The following USP38 variants were observed in gnomAD, a reference collection of about 807,000 sequenced individuals.
USP38 encodes the protein ubiquitin specific peptidase 38, also known as ubiquitin carboxyl-terminal hydrolase 38.
In USP38, 49 loss-of-function variants were observed where a neutral mutation model predicts 94.3. The observed-to-expected ratio is 0.52, with a 90% confidence interval of 0.41 to 0.66. The LOEUF (loss-of-function observed/expected upper bound fraction) is 0.66, where lower values mean the gene tolerates loss of function less well. USP38 is among the 30% of genes least tolerant of loss of function. USP38 has a pLI of 0.00. For missense variants in USP38, 1,128 were observed against 1,229.4 expected, an observed-to-expected ratio of 0.92 and a Z score of 1.23; for synonymous variants, 468 against 463.6, an observed-to-expected ratio of 1.01 and a Z score of -0.12.
chr4:143,199,988 C>T (rs1208490253), intron 4 of USP38, among the ~76,000 whole-genome samples: 3 of 152,068 alleles, frequency 2.0e-5, no homozygotes, highest in East Asian at 1.9e-4. Flanking sequence ...AATTAGATCC[C>T]GTTTGTCAAT....
Position 143,214,693 on chromosome 4 carries a change from A to C in USP38, c.2717A>C (p.Asn906Thr). 6.2e-7 allele frequency: 1 copy of C among 1,613,782 alleles called. No homozygotes were observed. The highest frequency in any genetic ancestry group is 8.5e-7 in the Non-Finnish European group (1 of 1,179,812). ...PSAVFEQDLE[N>T]KEMSKEWFLF... ...GCAGTTTTTGAACAGGATTTGGAAA[A>C]TAAGGAAATGTCAAAAGAATGGTTT... The change falls in exon 9 of 10, where the codon AAT becomes ACT. Residue 906 changes from asparagine (N) to threonine (T), a missense_variant. By Grantham distance (65) the Asn-to-Thr change is moderately conservative. Transcript: ENST00000307017.
Position 143,223,844 on chromosome 4 carries a change from T to TA in USP38, c.*3389dup, listed in dbSNP as rs1732382339. On this transcript the variant is annotated 3_prime_UTR_variant, in exon 10 of 10. Coordinates refer to ENST00000307017, the MANE Select transcript of USP38 (RefSeq NM_032557.6). Reference sequence around the variant, plus strand: ...TGATAGTTTATATATCCTTTCATCATACGTTTTTTCTAATGAGTTTAGATT... The same window carrying TA: ...TGATAGTTTATATATCCTTTCATCATAACGTTTTTTCTAATGAGTTTAGATT... The TA allele has an allele frequency of 1.3e-5, 2 of 152,152 alleles. No homozygotes were observed. Among genetic ancestry groups the TA allele is most frequent in the Admixed American group, 6.6e-5 (1 of 15,256 alleles). The allele number at this position is 152,152 out of a possible 1,614,324, so 9.4% of individuals were successfully genotyped here.
At chr4:143,197,393 T>G (rs1252540986) in intron 3 of USP38, among the ~76,000 whole-genome samples, 1 of 152,202 alleles carries the variant, frequency 6.6e-6, no homozygotes, top group African/African-American at 2.4e-5. Context: ...GTGTTACTTT[T>G]TATTGTTTCT....
At chr4:143,199,123 C>T (rs934775987) in intron 4 of USP38, among the ~76,000 whole-genome samples, 2 of 152,086 alleles carry the variant, frequency 1.3e-5, no homozygotes, top group African/African-American at 2.4e-5. Flanking sequence ...TTTTCTGCTC[C>T]TCTACCTCCT....
chr4:143,194,708 C>A (rs199847817), intron 2 of USP38, among the ~76,000 whole-genome samples: 1 of 151,986 alleles, frequency 6.6e-6, no homozygotes, highest in Non-Finnish European at 1.5e-5. Flanking sequence ...GGGTTTCACC[C>A]TGTTGGCCAG....
intron 6 of USP38, among the ~76,000 whole-genome samples, chr4:143,207,648 G>GGTTT (rs548595116): frequency 1.5e-5 from 2 of 137,566 alleles, no homozygotes; most frequent in African/African-American, 2.8e-5. Flanking sequence ...TTAATTTTTT[G>GGTTT]GTTTGTTTGT....
In USP38 at chr4:143,220,856, T is replaced by TA. The variant is rs1732307518; in HGVS notation, c.*406dup. ...AGAGGTAAAAAAAAATACTTGTTTT[T>TA]AAAAAATCCTTTACGTCTTGTGTAA... On this transcript the variant is annotated 3_prime_UTR_variant, in exon 10 of 10. Transcript: ENST00000307017. 1 of 153,434 alleles carries TA rather than the reference T, an allele frequency of 6.5e-6. No homozygotes were observed. The allele number at this position is 153,434 out of a possible 1,614,324, so 9.5% of individuals were successfully genotyped here.
intron 2 of USP38, among the ~76,000 whole-genome samples, chr4:143,190,679 T>G (rs73850685): frequency 0.029 from 4,378 of 152,260 alleles, 190 homozygotes; most frequent in African/African-American, 0.1. Context: ...GATTATTTCT[T>G]TAGGACATTT....
chr4:143,192,779 A>T (rs1421099397), intron 2 of USP38, among the ~76,000 whole-genome samples: 1 of 152,100 alleles, frequency 6.6e-6, no homozygotes, highest in Admixed American at 6.5e-5. Flanking sequence ...GGACACAAAC[A>T]TTCAGACCAC....
intron 7 of USP38, among the ~76,000 whole-genome samples, chr4:143,210,927 A>T (rs1179172219): frequency 2.0e-5 from 3 of 151,960 alleles, no homozygotes; most frequent in African/African-American, 4.8e-5. Context: ...AGATATTTTT[A>T]TTATTCTTTA....
intron 4 of USP38, 147 bp from the exon 5 acceptor site, chr4:143,203,261 G>A (rs1352174246): frequency 1.3e-6 from 1 of 796,658 alleles, no homozygotes. Context: ...TTTTAGAAAT[G>A]TTTAACTTAA....
chr4:143,213,828 C>T lies in USP38; in HGVS notation c.1852C>T (p.Leu618Phe), dbSNP rs772925035. The change falls in exon 9 of 10, where the codon CTT becomes TTT. Residue 618 changes from leucine (L) to phenylalanine (F), a missense_variant. Coordinates refer to ENST00000307017, the MANE Select transcript of USP38 (RefSeq NM_032557.6). ...QKVEAFTDLS[L>F]AFCPSSSLEN... The stretch of plus-strand genomic sequence containing the variant: ...AGTGGAAGCCTTTACAGATCTTTCG[C>T]TTGCCTTTTGTCCTTCCTCTTCTTT... 7 of 1,613,716 alleles carry T rather than the reference C, an allele frequency of 4.3e-6. No individual in the cohort carries two copies. Among genetic ancestry groups the T allele is most frequent in the Non-Finnish European group, 5.9e-6 (7 of 1,179,854 alleles).
intron 9 of USP38, among the ~76,000 whole-genome samples, chr4:143,217,925 C>A (rs542396101): frequency 6.6e-6 from 1 of 152,092 alleles, no homozygotes; most frequent in Non-Finnish European, 1.5e-5. Flanking sequence ...TCATATATTT[C>A]TTTCCCTTCA....
chr4:143,187,128 T>C (rs1022858195), intron 1 of USP38, among the ~76,000 whole-genome samples: 3 of 152,230 alleles, frequency 2.0e-5, no homozygotes, highest in Non-Finnish European at 4.4e-5. Flanking sequence ...TTGCCTGTGT[T>C]GTCATAACTG....
Position 143,214,607 on chromosome 4 carries a change from G to A in USP38, c.2631G>A (p.Gln877=). Reference sequence around the variant, plus strand: ...ACTCTTCATATCAGATGTACCACCAGTCTGAGGCTCTGGCATTAGCATCCT... The same window carrying A: ...ACTCTTCATATCAGATGTACCACCAATCTGAGGCTCTGGCATTAGCATCCT... ...STDSSYQMYH[Q]SEALALASSQ... The change falls in exon 9 of 10, where the codon CAG becomes CAA. Residue 877 remains glutamine (Q), a synonymous_variant. Transcript: ENST00000307017. The A allele has an allele frequency of 7.4e-6, 12 of 1,613,658 alleles. No individual in the cohort carries two copies. The highest frequency in any genetic ancestry group is 1.0e-5 in the Non-Finnish European group (12 of 1,179,822).
chr4:143,204,678 A>G (rs1731811865), intron 5 of USP38: 1 of 283,570 alleles, frequency 3.5e-6, no homozygotes, highest in Non-Finnish European at 6.9e-6. Flanking sequence ...CACTGTGCCT[A>G]GCCTAAAAAG....
At chr4:143,189,593 T>C (rs1406426341) in intron 2 of USP38, among the ~76,000 whole-genome samples, 1 of 152,054 alleles carries the variant, frequency 6.6e-6, no homozygotes, top group Non-Finnish European at 1.5e-5. Context: ...TAAAAAGGTC[T>C]TCCTCTTCTA....
intron 2 of USP38, among the ~76,000 whole-genome samples, chr4:143,193,964 G>A (rs1731472564): frequency 6.6e-6 from 1 of 152,158 alleles, no homozygotes; most frequent in East Asian, 1.9e-4. Flanking sequence ...ATGCACAGCT[G>A]TGTAGTCCTA....
intron 9 of USP38, among the ~76,000 whole-genome samples, chr4:143,219,576 C>G (rs1448555179): frequency 6.6e-6 from 1 of 151,988 alleles, no homozygotes; most frequent in African/African-American, 2.4e-5. Flanking sequence ...TTTACCAACC[C>G]CATTTGAAAT....
Sources: allele counts gnomAD v4.1 joint callset (sites outside exome capture counted in the v4.1 genomes callset), GRCh38; gene constraint gnomAD v4.1.1; transcripts MANE v1.5; gene names NCBI Gene and HGNC (gene_info 2026-07-23, HGNC 2026-07-21).